PCDHA2: variants seen among roughly 807,000 people sequenced by gnomAD.
The protein encoded by PCDHA2 is protocadherin alpha-2.
Under a neutral mutation model 66.0 loss-of-function variants are expected in PCDHA2, and 58 were observed. That is an observed-to-expected ratio of 0.88 (90% confidence interval 0.71 to 1.09). The LOEUF is 1.09. Among genes scored for constraint, PCDHA2 ranks in the 50% least tolerant of loss-of-function variants. The probability of loss-of-function intolerance (pLI) is 0.00; values close to 1 mark genes in which losing one functional copy is unlikely to be tolerated. For synonymous variants in PCDHA2, 634 were observed against 554.0 expected (o/e 1.14, Z -2.03); for missense variants, 1,267 against 1,242.3 (o/e 1.02, Z -0.30).
rs782473800 is a variant in PCDHA2 at position 140,927,043 on chromosome 5, T to C, written c.2389-51906T>C. On this transcript the variant is annotated intron_variant, in intron 1 of 3. Transcript: ENST00000526136. Reference sequence around the variant, plus strand: ...CTTGAGGCTGCCAGCGGCCGCTATGTCCTCGCGGAACTTTCGCTTCCTTTC... The same window carrying C: ...CTTGAGGCTGCCAGCGGCCGCTATGCCCTCGCGGAACTTTCGCTTCCTTTC... 11 of 1,612,262 alleles carry C rather than the reference T, an allele frequency of 6.8e-6. No homozygotes were observed. Among genetic ancestry groups the C allele is most frequent in the Non-Finnish European group, 9.3e-6 (11 of 1,178,916 alleles).
chr5:140,955,832 G>A (rs2095230258), intron 1 of PCDHA2, among the ~76,000 whole-genome samples: 1 of 152,132 alleles, frequency 6.6e-6, no homozygotes, highest in South Asian at 2.1e-4. Flanking sequence ...TTGAGCAGTG[G>A]TTTGTCATTC....
At chr5:140,850,283 A>G (rs143335350) in intron 1 of PCDHA2, 3 of 1,595,592 alleles carry the variant, frequency 1.9e-6, no homozygotes, top group Non-Finnish European at 2.6e-6. Context: ...AGGTGCGCGC[A>G]GTGGACGCCG....
intron 3 of PCDHA2, among the ~76,000 whole-genome samples, chr5:140,992,100 A>G (rs1285742519): frequency 6.6e-6 from 1 of 151,526 alleles, no homozygotes; most frequent in African/African-American, 2.4e-5. Context: ...AAAGAGAATT[A>G]AGGTGAGATG....
intron 1 of PCDHA2, chr5:140,869,913 C>T (rs782111162): frequency 3.7e-6 from 6 of 1,610,754 alleles, no homozygotes; most frequent in Non-Finnish European, 5.1e-6. Flanking sequence ...CAGACCGAGA[C>T]GAAGGAGTCA....
rs148093365 is a variant in PCDHA2, at chr5:140,827,932, A to C, written c.2388+30580A>C. 566 of 1,026,442 alleles carry C rather than the reference A, an allele frequency of 5.5e-4. 1 individual carries two copies. The African/African-American group carries it at 8.1e-3, about 15-fold the overall frequency. 63.6% of individuals were successfully genotyped at this position (1,026,442 alleles called of 1,614,324 possible). A position where few individuals can be genotyped will look rare whatever the true frequency, so the allele number is the denominator to read the frequency against. On this transcript the variant is annotated intron_variant, in intron 1 of 3. Coordinates refer to ENST00000526136, the MANE Select transcript of PCDHA2 (RefSeq NM_018905.3). Reference sequence around the variant, plus strand: ...TGATGTCGCTGTCTACCATGAAGTTATAGCTAGCCAACATTCAAATTTCTT... The same window carrying C: ...TGATGTCGCTGTCTACCATGAAGTTCTAGCTAGCCAACATTCAAATTTCTT...
chr5:140,802,482 G>T (rs782301588), intron 1 of PCDHA2: 2 of 1,614,192 alleles, frequency 1.2e-6, no homozygotes, highest in East Asian at 4.5e-5. Flanking sequence ...GACTGCTCGG[G>T]ACGGGGGCTC....
chr5:140,928,296 T>C (rs2085128137), intron 1 of PCDHA2: 6 of 1,614,054 alleles, frequency 3.7e-6, no homozygotes, highest in African/African-American at 1.3e-5. Flanking sequence ...GCCGAGTGTT[T>C]GCCCAGGACC....
chr5:140,802,634 G>A (rs1479388882), intron 1 of PCDHA2: 2 of 1,613,736 alleles, frequency 1.2e-6, no homozygotes, highest in Non-Finnish European at 1.7e-6. Context: ...CGGTGTCTGC[G>A]CGGGACGCGG....
At chr5:140,919,525 T>G (rs2079174631) in intron 1 of PCDHA2, among the ~76,000 whole-genome samples, 1 of 152,196 alleles carries the variant, frequency 6.6e-6, no homozygotes, top group Non-Finnish European at 1.5e-5. Context: ...TAATTCTCTT[T>G]TTTTCCTATA....
rs1278190743 is a variant in PCDHA2, at chr5:140,891,784, G to C, written c.2389-87165G>C. 2.0e-5 allele frequency among the ~76,000 whole-genome samples: 3 copies of C among 152,152 alleles called. No homozygotes were observed. In the East Asian group the frequency reaches 5.8e-4, roughly 29 times the overall value. On this transcript the variant is annotated intron_variant, in intron 1 of 3. Coordinates refer to ENST00000526136, the MANE Select transcript of PCDHA2 (RefSeq NM_018905.3). ...GGTGGGGAATTTCAGGAAATGTTTA[G>C]ATTATGAGGGATCTGCCCTCATGAA...
chr5:140,884,479 C>T, intron 1 of PCDHA2: 1 of 1,613,914 alleles, frequency 6.2e-7, no homozygotes, highest in Non-Finnish European at 8.5e-7. Context: ...CGGGCAAGCC[C>T]ACTCTAGTGT....
At chr5:140,994,515 C>T (rs1450335712) in intron 3 of PCDHA2, among the ~76,000 whole-genome samples, 1 of 150,120 alleles carries the variant, frequency 6.7e-6, no homozygotes, top group African/African-American at 2.5e-5. Flanking sequence ...ACAGCCTGGG[C>T]AACATGGCAA....
In PCDHA2 at chr5:140,855,922, T is replaced by C. The variant is rs2043674213; in HGVS notation, c.2388+58570T>C. ...AGCCAGTTTCTCAAGGACTAGGAAG[T>C]AGCGTCATTCTGAGATCTCAGCCAT... On this transcript the variant is annotated intron_variant, in intron 1 of 3. Transcript: ENST00000526136. The C allele has an allele frequency of 3.3e-6, 4 of 1,227,726 alleles. No homozygotes were observed. In the Admixed American group the frequency reaches 1.0e-4, roughly 31 times the overall value. The allele number at this position is 1,227,726 out of a possible 1,614,324, so 76.1% of individuals were successfully genotyped here.
intron 1 of PCDHA2, chr5:140,876,061 C>G (rs782151232): frequency 6.2e-7 from 1 of 1,613,778 alleles, no homozygotes; most frequent in Non-Finnish European, 8.5e-7. Context: ...ATTAGTTCTT[C>G]GGAAGTTATT....
At chr5:140,926,737 C>T (rs2083513630) in intron 1 of PCDHA2, 3 of 1,153,842 alleles carry the variant, frequency 2.6e-6, no homozygotes, top group Non-Finnish European at 3.4e-6. Flanking sequence ...GTTCGGGAGG[C>T]GCAACGTCGG....
At position 140,828,843 on chromosome 5, in the gene PCDHA2, T is replaced by C. The variant is rs145020293; in HGVS notation, c.2388+31491T>C. On this transcript the variant is annotated intron_variant, in intron 1 of 3. Transcript: ENST00000526136. ...GAACAGTCTGAATACGAAGTAAGAA[T>C]ATTCGAAAATGCAGACAACGGAACA... 84 of 1,614,196 alleles carry C rather than the reference T, an allele frequency of 5.2e-5. No homozygotes were observed. Among genetic ancestry groups the C allele is most frequent in the Non-Finnish European group, 6.9e-5 (81 of 1,180,038 alleles).
chr5:140,817,026 G>T (rs915674773), intron 1 of PCDHA2: 2 of 152,170 alleles, frequency 1.3e-5, no homozygotes, highest in Non-Finnish European at 2.9e-5. Context: ...TCATGAGAGA[G>T]AGAGTGCTGA....
intron 1 of PCDHA2, chr5:140,809,506 C>A: frequency 6.2e-7 from 1 of 1,614,206 alleles, no homozygotes; most frequent in African/African-American, 1.3e-5. Context: ...TGGCCTTCAG[C>A]CCCAGTTTAC....
chr5:140,928,834 T>G, intron 1 of PCDHA2: 3 of 1,614,178 alleles, frequency 1.9e-6, no homozygotes, highest in Non-Finnish European at 2.5e-6. Flanking sequence ...ACCACTTTCC[T>G]CCTCTGTCAC....
Sources: allele counts gnomAD v4.1 joint callset (sites outside exome capture counted in the v4.1 genomes callset), GRCh38; gene constraint gnomAD v4.1.1; transcripts MANE v1.5; gene names NCBI Gene and HGNC (gene_info 2026-07-23, HGNC 2026-07-21).